The following TMEM106B variants were observed in gnomAD, a reference collection of about 807,000 sequenced individuals.
The protein encoded by TMEM106B is transmembrane protein 106B.
Under a neutral mutation model 31.1 loss-of-function variants are expected in TMEM106B, and 15 were observed. That is an observed-to-expected ratio of 0.48 (90% CI 0.32 to 0.74). The LOEUF (loss-of-function observed/expected upper bound fraction) is 0.74. Ranked by LOEUF, TMEM106B falls within the 30% of genes least tolerant of loss-of-function variation. TMEM106B has a pLI of 0.03. For missense variants in TMEM106B, 283 were observed against 327.3 expected (o/e 0.86, Z 1.04); for synonymous variants, 126 against 112.5 (o/e 1.12, Z -0.76).
rs947994908 is a variant in TMEM106B, at chr7:12,240,655, A to G, written c.*8680A>G. 7 of 151,170 alleles carry G rather than the reference A, an allele frequency of 4.6e-5. No individual in the cohort carries two copies. The highest frequency in any genetic ancestry group is 1.0e-4 in the Non-Finnish European group (7 of 67,754). The allele number at this position is 151,170 out of a possible 1,614,324, so 9.4% of individuals were successfully genotyped here. ...GTTTCTCAAGGGAGAAGAATCATTA[A>G]TAAGTTTGTGAGGCTTTTTTTTTTT... On this transcript the variant is annotated 3_prime_UTR_variant, in exon 8 of 8. Transcript: ENST00000396668.
chr7:12,239,801 A>C lies in TMEM106B; in HGVS notation c.*7826A>C, dbSNP rs563170536. On this transcript the variant is annotated 3_prime_UTR_variant, in exon 8 of 8. Transcript: ENST00000396668. ...TGGTTCATGCTGCCTCCAAATACTT[A>C]CAAAAACATCAAAGATCACTGATTA... 4 of 152,274 alleles carry C rather than the reference A, an allele frequency of 2.6e-5. No individual in the cohort carries two copies. The highest frequency in any genetic ancestry group is 9.6e-5 in the African/African-American group (4 of 41,566). 9.4% of individuals were successfully genotyped at this position (152,274 alleles called of 1,614,324 possible).
rs1782085645 is a variant in TMEM106B, at chr7:12,234,277, G to A, written c.*2302G>A. 2 of 151,890 alleles carry A rather than the reference G, an allele frequency of 1.3e-5. No individual in the cohort carries two copies. Among genetic ancestry groups the A allele is most frequent in the South Asian group, 4.1e-4 (2 of 4,828 alleles). 9.4% of individuals were successfully genotyped at this position (151,890 alleles called of 1,614,324 possible). On this transcript the variant is annotated 3_prime_UTR_variant, in exon 8 of 8. Transcript: ENST00000396668. ...TGGAAAGTAGAAGCATTTGCTTTTA[G>A]TCACTTAATTTTGAATCTTTTTTCT...
At chr7:12,218,027 G>T (rs113228311) in intron 2 of TMEM106B, among the ~76,000 whole-genome samples, 2 of 152,088 alleles carry the variant, frequency 1.3e-5, no homozygotes, top group African/African-American at 4.8e-5. Flanking sequence ...TTTCAAGGGG[G>T]ACAATGTCAG....
chr7:12,218,239 CTTTTTT>C (rs11291359), intron 2 of TMEM106B, among the ~76,000 whole-genome samples: 1 of 133,378 alleles, frequency 7.5e-6, no homozygotes, highest in South Asian at 2.4e-4. Flanking sequence ...ATTTGTTATA[CTTTTTT>C]TTTTTTTTTT....
chr7:12,228,456 CTTAA>C (rs34046032), intron 4 of TMEM106B, among the ~76,000 whole-genome samples: 76,219 of 151,152 alleles, frequency 0.5, 20,306 homozygotes, highest in African/African-American at 0.66. Context: ...AATTATCTGA[CTTAA>C]TTGATTCTTT....
intron 4 of TMEM106B, among the ~76,000 whole-genome samples, chr7:12,226,998 A>G (rs577204672): frequency 6.6e-6 from 1 of 152,220 alleles, no homozygotes; most frequent in South Asian, 2.1e-4. Context: ...AATATGTACT[A>G]ATAAATAATA....
chr7:12,213,038 G>T (rs1781611137), intron 1 of TMEM106B, among the ~76,000 whole-genome samples: 1 of 152,066 alleles, frequency 6.6e-6, no homozygotes, highest in Admixed American at 6.6e-5. Flanking sequence ...TGACTGTTAA[G>T]TTCTTTTCAG....
In TMEM106B at chr7:12,237,816, T is replaced by TACACACACAC. The variant is rs71027485; in HGVS notation, c.*5872_*5881dup. The TACACACACAC allele has an allele frequency of 5.3e-4, 66 of 124,830 alleles. No homozygotes were observed. Among genetic ancestry groups the TACACACACAC allele is most frequent in the African/African-American group, 1.8e-3 (61 of 33,154 alleles). The allele number at this position is 124,830 out of a possible 1,614,324, so 7.7% of individuals were successfully genotyped here. ...CGAGACCCCATATAAAATATATACA[T>TACACACACAC]ACACACACACACACACACACACACA... On this transcript the variant is annotated 3_prime_UTR_variant, in exon 8 of 8. Coordinates refer to ENST00000396668, the MANE Select transcript of TMEM106B (RefSeq NM_001134232.2).
Position 12,211,375 on chromosome 7 carries a change from G to T in TMEM106B, c.-53G>T, listed in dbSNP as rs1447190057. On this transcript the variant is annotated 5_prime_UTR_variant, in exon 1 of 8. Transcript: ENST00000396668. ...CTGTGGACTCCACGACCCTGTCCTC[G>T]GCCCTGTCCGCGCCGAAGCAGCCCG... 6.6e-6 allele frequency: 1 copy of T among 152,362 alleles called. No individual in the cohort carries two copies. Among genetic ancestry groups the T allele is most frequent in the African/African-American group, 2.4e-5 (1 of 41,474 alleles). The allele number at this position is 152,362 out of a possible 1,614,324, so 9.4% of individuals were successfully genotyped here. A position where few individuals can be genotyped will look rare whatever the true frequency, so the allele number is the denominator to read the frequency against.
chr7:12,212,881 G>A (rs1398409889), intron 1 of TMEM106B, among the ~76,000 whole-genome samples: 2 of 152,182 alleles, frequency 1.3e-5, no homozygotes, highest in Non-Finnish European at 2.9e-5. Flanking sequence ...AATACTATCT[G>A]TCTGAATGTA....
rs375348361 is a variant in TMEM106B, at chr7:12,224,247, T to A, written c.303T>A (p.Ser101=). Residue 101 remains serine (S), a synonymous_variant, in exon 4 of 8, where the codon TCT becomes TCA. Transcript: ENST00000396668. Reference sequence around the variant, plus strand: ...TCAGAAAGCTGTATGTGATGGCTTCTGTGTTTGTCTGTCTACTCCTTTCTG... The same window carrying A: ...TCAGAAAGCTGTATGTGATGGCTTCAGTGTTTGTCTGTCTACTCCTTTCTG... The part of the protein sequence containing the change: ...PRRTKLYVMA[S]VFVCLLLSGL... The A allele has an allele frequency of 1.2e-6, 2 of 1,613,854 alleles. No homozygotes were observed. The highest frequency in any genetic ancestry group is 1.3e-5 in the African/African-American group (1 of 75,042).
In TMEM106B at chr7:12,215,032, G is replaced by A. The variant is rs1781659872; in HGVS notation, c.217+5G>A. ...GAACAGGAAGAATTCCTAGGGGTAT[G>A]TGTTATTGTATTGTTTTCCCTTTAA... is the stretch of plus-strand genomic sequence containing the variant. On this transcript the variant is annotated splice_donor_5th_base_variant and intron_variant, in intron 2 of 7. Transcript: ENST00000396668. The A allele has an allele frequency of 1.2e-6, 2 of 1,609,234 alleles. No homozygotes were observed. Among genetic ancestry groups the A allele is most frequent in the Non-Finnish European group, 1.7e-6 (2 of 1,177,412 alleles).
In TMEM106B at chr7:12,242,234, G is replaced by A. The variant is rs1407720762; in HGVS notation, c.*10259G>A. On this transcript the variant is annotated 3_prime_UTR_variant, in exon 8 of 8. Transcript: ENST00000396668. ...TAAAAATACAAAAAATTAGCCGGGC[G>A]CGGTGGCGGGCGCCTGTAGTCCCAG... 6 of 94,280 alleles carry A rather than the reference G, an allele frequency of 6.4e-5. 2 individuals are homozygous for A. Among genetic ancestry groups the A allele is most frequent in the South Asian group, 8.6e-4 (2 of 2,322 alleles). 5.8% of individuals were successfully genotyped at this position (94,280 alleles called of 1,614,324 possible).
chr7:12,231,675 G>A (rs1782026034), intron 7 of TMEM106B, 162 bp from the exon 8 acceptor site: 3 of 553,818 alleles, frequency 5.4e-6, no homozygotes, highest in Non-Finnish European at 9.1e-6. Context: ...TTTGTTGTCT[G>A]TTGGGGAAAT....
chr7:12,223,770 G>T (rs571143106), intron 3 of TMEM106B, among the ~76,000 whole-genome samples: 191 of 150,578 alleles, frequency 1.3e-3, no homozygotes, highest in African/African-American at 4.4e-3. Context: ...GTCCAGGCAG[G>T]AGTGCGGTGG....
At chr7:12,230,472 A>C (rs1781998246) in intron 6 of TMEM106B, 34 bp downstream of exon 6, 4 of 1,360,140 alleles carry the variant, frequency 2.9e-6, no homozygotes, top group Non-Finnish European at 4.2e-6. Flanking sequence ...TTTTATTGTC[A>C]AATAATGAAG....
At chr7:12,230,329 A>G (rs1781994663) in intron 5 of TMEM106B, 60 bp from the exon 6 acceptor site, 1 of 1,182,874 alleles carries the variant, frequency 8.5e-7, no homozygotes, top group Non-Finnish European at 1.3e-6. Flanking sequence ...TATGAAGTAT[A>G]TCTGAAATGT....
chr7:12,232,547 G>A lies in TMEM106B; in HGVS notation c.*572G>A, dbSNP rs1782046429. 1 of 152,200 alleles carries A rather than the reference G, an allele frequency of 6.6e-6. No individual in the cohort carries two copies. Among genetic ancestry groups the A allele is most frequent in the South Asian group, 2.1e-4 (1 of 4,826 alleles). The allele number at this position is 152,200 out of a possible 1,614,324, so 9.4% of individuals were successfully genotyped here. A position where few individuals can be genotyped will look rare whatever the true frequency, so the allele number is the denominator to read the frequency against. On this transcript the variant is annotated 3_prime_UTR_variant, in exon 8 of 8. Transcript: ENST00000396668. ...TGTTTTTGTCACTTATTTCAGGTTAGTGATTGCCTAACACTTATAAGCCAA... is the reference window on the plus strand; with the variant it reads ...TGTTTTTGTCACTTATTTCAGGTTAATGATTGCCTAACACTTATAAGCCAA...
intron 2 of TMEM106B, among the ~76,000 whole-genome samples, chr7:12,216,857 G>C (rs148964966): frequency 7.1e-4 from 108 of 152,266 alleles, no homozygotes; most frequent in African/African-American, 2.6e-3. Flanking sequence ...GGAGGCCACA[G>C]AAGAGTTTAA....
Sources: gnomAD v4.1 joint callset for allele counts (sites outside exome capture counted in the v4.1 genomes callset) on GRCh38, gnomAD v4.1.1 for gene constraint, MANE v1.5 for transcripts, NCBI Gene and HGNC (gene_info 2026-07-23, HGNC 2026-07-21) for gene names.